The following ADAM22 variants were observed in gnomAD, a reference collection of about 807,000 sequenced individuals.
ADAM22 encodes ADAM metallopeptidase domain 22.
A neutral mutation model predicts 144.6 loss-of-function variants in ADAM22; 65 were observed. That is an observed-to-expected ratio of 0.45 (90% CI 0.37 to 0.55). The LOEUF (loss-of-function observed/expected upper bound fraction) is 0.55. Ranked by LOEUF, ADAM22 falls within the 20% of genes least tolerant of loss-of-function variation. The pLI, the probability that ADAM22 is intolerant of heterozygous loss-of-function variation, is 0.00. For synonymous variants in ADAM22, 391 were observed against 412.6 expected (o/e 0.95, Z 0.63); for missense variants, 974 against 1,184.9 (o/e 0.82, Z 2.61).
At chr7:88,096,364 T>G (rs1467893412) in intron 4 of ADAM22, among the ~76,000 whole-genome samples, 1 of 151,868 alleles carries the variant, frequency 6.6e-6, no homozygotes, top group Non-Finnish European at 1.5e-5. Context: ...CATAATTCAT[T>G]TAGTTAAATA....
At chr7:87,952,436 G>T (rs561182229) in intron 2 of ADAM22, among the ~76,000 whole-genome samples, 26 of 152,280 alleles carry the variant, frequency 1.7e-4, no homozygotes, top group African/African-American at 6.0e-4. Context: ...TTATATGCTG[G>T]ATTGTATTTA....
intron 3 of ADAM22, among the ~76,000 whole-genome samples, chr7:87,980,038 AC>A (rs1852922170): frequency 6.6e-6 from 1 of 152,130 alleles, no homozygotes; most frequent in Non-Finnish European, 1.5e-5. Context: ...AAACTGCCTC[AC>A]TTACTTTGGA....
chr7:88,002,098 C>G (rs537754881), intron 3 of ADAM22, among the ~76,000 whole-genome samples: 7 of 152,128 alleles, frequency 4.6e-5, no homozygotes, highest in Admixed American at 3.3e-4. Flanking sequence ...CTTTCAGTTG[C>G]AAATAACAAA....
At chr7:88,138,871 A>G (rs1406959725) in intron 14 of ADAM22, among the ~76,000 whole-genome samples, 1 of 152,208 alleles carries the variant, frequency 6.6e-6, no homozygotes, top group African/African-American at 2.4e-5. Flanking sequence ...TCAACTGTTC[A>G]TATATTTTAA....
At chr7:87,944,983 T>C (rs1843329620) in intron 2 of ADAM22, among the ~76,000 whole-genome samples, 1 of 103,234 alleles carries the variant, frequency 9.7e-6, no homozygotes, top group African/African-American at 5.1e-5. Context: ...TTCTTTACCT[T>C]CTTGTCTTTC....
At chr7:88,136,265 A>G (rs1319180538) in intron 14 of ADAM22, among the ~76,000 whole-genome samples, 1 of 152,186 alleles carries the variant, frequency 6.6e-6, no homozygotes, top group African/African-American at 2.4e-5. Flanking sequence ...ATGAGGGACA[A>G]CTTTGTTTTT....
At chr7:87,934,937 CG>C in intron 1 of ADAM22, 88 bp from the exon 2 acceptor site, 1 of 1,559,378 alleles carries the variant, frequency 6.4e-7, no homozygotes, top group Non-Finnish European at 8.8e-7. Flanking sequence ...GTAGGGGAGA[CG>C]TAGGACTGCA....
intron 3 of ADAM22, among the ~76,000 whole-genome samples, chr7:87,994,418 C>T (rs1325432381): frequency 6.6e-6 from 1 of 152,188 alleles, no homozygotes; most frequent in East Asian, 1.9e-4. Context: ...GCCTCGGCCT[C>T]CCAAAGTGCT....
chr7:88,124,412 T>G (rs1829977267), intron 7 of ADAM22, among the ~76,000 whole-genome samples: 1 of 151,964 alleles, frequency 6.6e-6, no homozygotes, highest in Admixed American at 6.6e-5. Context: ...CATTGTCTGA[T>G]ATTAATATTT....
At chr7:87,949,906 C>T (rs1844627084) in intron 2 of ADAM22, among the ~76,000 whole-genome samples, 1 of 149,588 alleles carries the variant, frequency 6.7e-6, no homozygotes, top group Non-Finnish European at 1.5e-5. Context: ...TAAATTATAA[C>T]ATTGATTAAT....
chr7:87,973,509 C>G (rs1851041673), intron 2 of ADAM22, among the ~76,000 whole-genome samples: 1 of 151,916 alleles, frequency 6.6e-6, no homozygotes, highest in Admixed American at 6.6e-5. Context: ...ACTAGTTCAA[C>G]CATTGTGGAA....
intron 2 of ADAM22, among the ~76,000 whole-genome samples, chr7:87,977,038 CTGGGTATTAGT>C (rs1562901095): frequency 6.6e-6 from 1 of 151,820 alleles, no homozygotes; most frequent in Non-Finnish European, 1.5e-5. Context: ...TTAGTTGGGG[CTGGGTATTAGT>C]TGAGAAGAGT....
intron 24 of ADAM22, among the ~76,000 whole-genome samples, chr7:88,167,787 T>C (rs1843291176): frequency 6.6e-6 from 1 of 152,146 alleles, no homozygotes; most frequent in African/African-American, 2.4e-5. Context: ...ATAACATTTC[T>C]AGAATTTCTG....
Position 88,150,993 on chromosome 7 carries a change from A to T in ADAM22, c.1579A>T (p.Ile527Phe). The T allele has an allele frequency of 6.2e-7, 1 of 1,613,650 alleles. No individual in the cohort carries two copies. The highest frequency in any genetic ancestry group is 8.5e-7 in the Non-Finnish European group (1 of 1,179,732). Residue 527 changes from isoleucine (I) to phenylalanine (F), a missense_variant, in exon 19 of 32, where the codon ATT becomes TTT. Transcript: ENST00000413139. The stretch of plus-strand genomic sequence containing the variant: ...CTCTTTTTCCTAGTGTGCCCCTAAT[A>T]TTCATAAAATGGATGGATATTCATG... ...SGNSSQCAPNIHKMDGYSCDG... is the reference protein window; with the variant it reads ...SGNSSQCAPNFHKMDGYSCDG...
intron 3 of ADAM22, among the ~76,000 whole-genome samples, chr7:88,006,460 G>C (rs556739420): frequency 1.2e-4 from 18 of 152,068 alleles, no homozygotes; most frequent in African/African-American, 2.6e-4. Flanking sequence ...AAAGAGAATT[G>C]TAGACCAATA....
Position 88,153,332 on chromosome 7 carries a change from G to T in ADAM22, c.1787+6G>T. The stretch of plus-strand genomic sequence containing the variant: ...TGGATACAGTGCAACAAACGGTGAG[G>T]TGGAGACGTCAGCCCAGAATTCATC... On this transcript the variant is annotated splice_donor_region_variant and intron_variant, in intron 21 of 31. Transcript: ENST00000413139. The T allele has an allele frequency of 1.2e-6, 2 of 1,608,730 alleles. No individual in the cohort carries two copies. The highest frequency in any genetic ancestry group is 1.7e-6 in the Non-Finnish European group (2 of 1,176,484).
chr7:88,085,328 T>C (rs542398208), intron 4 of ADAM22, among the ~76,000 whole-genome samples: 2 of 152,294 alleles, frequency 1.3e-5, no homozygotes, highest in African/African-American at 2.4e-5. Context: ...TAAAGTGTTA[T>C]TCCAAATTTA....
chr7:88,058,336 G>T (rs1808838278), intron 3 of ADAM22, among the ~76,000 whole-genome samples: 1 of 152,200 alleles, frequency 6.6e-6, no homozygotes, highest in South Asian at 2.1e-4. Context: ...AAACCTGACA[G>T]TCATAGTTTT....
At position 88,165,898 on chromosome 7, in the gene ADAM22, T is replaced by C. The variant is rs1422242825; in HGVS notation, c.2143T>C (p.Phe715Leu). 3.1e-6 allele frequency: 5 copies of C among 1,611,960 alleles called. No homozygotes were observed. Among genetic ancestry groups the C allele is most frequent in the Non-Finnish European group, 4.2e-6 (5 of 1,178,988 alleles). The change falls in exon 24 of 32, where the codon TTC (phenylalanine) becomes CTC (leucine). Residue 715 changes from phenylalanine (F) to leucine (L), a missense_variant. Transcript: ENST00000413139. The stretch of plus-strand genomic sequence containing the variant: ...GATAGGTTCTGATTGCAACACTTAC[T>C]TCCCTCACAATGATGATGCAAAGAC... ...HWIGSDCNTY[F>L]PHNDDAKTGI...
Sources: allele counts gnomAD v4.1 joint callset (sites outside exome capture counted in the v4.1 genomes callset), GRCh38; gene constraint gnomAD v4.1.1; transcripts MANE v1.5; gene names NCBI Gene and HGNC (gene_info 2026-07-23, HGNC 2026-07-21).